NBL1: variants seen among roughly 807,000 people sequenced by gnomAD.
NBL1 encodes neuroblastoma suppressor of tumorigenicity 1.
In NBL1, 9 loss-of-function variants were observed where a neutral mutation model predicts 16.0. That is an observed-to-expected ratio of 0.56 (90% CI 0.34 to 0.98). NBL1 has a LOEUF of 0.98. Ranked by LOEUF, NBL1 falls within the 50% of genes least tolerant of loss-of-function variation. NBL1 has a pLI of 0.02. For missense variants in NBL1, 196 were observed against 243.1 expected (o/e 0.81, Z 1.29); for synonymous variants, 86 against 100.7 (o/e 0.85, Z 0.87).
Position 19,644,425 on chromosome 1 carries a change from G to T in NBL1, c.-41G>T. 1.0e-6 allele frequency: 1 copy of T among 979,028 alleles called. No homozygotes were observed. Among genetic ancestry groups the T allele is most frequent in the Non-Finnish European group, 1.2e-6 (1 of 827,458 alleles). 60.6% of individuals were successfully genotyped at this position (979,028 alleles called of 1,614,324 possible). A position where few individuals can be genotyped will look rare whatever the true frequency, so the allele number is the denominator to read the frequency against. On this transcript the variant is annotated 5_prime_UTR_variant, in exon 1 of 4. Transcript: ENST00000375136. This position sits in a 1 kb window ranked among gnomAD's most constrained non-coding sequence, Gnocchi z 4.6. The stretch of plus-strand genomic sequence containing the variant: ...GCCCGCGACCCCCGCACCCAGCTCC[G>T]CAGGACCGGCGGGCGCGCGCGGTAA...
chr1:19,646,616 C>T (rs181986223), intron 1 of NBL1, among the ~76,000 whole-genome samples: 180 of 152,304 alleles, frequency 1.2e-3, no homozygotes, highest in African/African-American at 4.1e-3. Flanking sequence ...CCGCCCTTGC[C>T]AAGCCCCAAG....
intron 1 of NBL1, among the ~76,000 whole-genome samples, chr1:19,650,886 G>C (rs760178142): frequency 6.6e-6 from 1 of 152,222 alleles, no homozygotes; most frequent in Non-Finnish European, 1.5e-5. Context: ...CTGGGCAGGA[G>C]GGTGGGCGGA....
upstream of NBL1, chr1:19,643,881 G>T: frequency 1.1e-5 from 11 of 989,474 alleles, no homozygotes; most frequent in Non-Finnish European, 1.3e-5. The surrounding 1 kb of genome is among the most constrained non-coding windows in gnomAD (Gnocchi z 4.7). Flanking sequence ...AGTCTGCAAT[G>T]CCCGGTGCCC....
intron 1 of NBL1, among the ~76,000 whole-genome samples, chr1:19,651,258 C>T (rs966284026): frequency 6.6e-6 from 1 of 152,190 alleles, no homozygotes; most frequent in Non-Finnish European, 1.5e-5. Context: ...TGGAGCTCCA[C>T]GCTGCTGGCC....
At chr1:19,653,281 G>T (rs1345953474) in intron 1 of NBL1, among the ~76,000 whole-genome samples, 1 of 87,114 alleles carries the variant, frequency 1.1e-5, no homozygotes, top group Non-Finnish European at 2.2e-5. Flanking sequence ...GCGAGACTCC[G>T]TCTCAAAAAA....
upstream of NBL1, chr1:19,644,113 G>A (rs867414927): frequency 1.4e-4 from 133 of 975,412 alleles, no homozygotes; most frequent in African/African-American, 2.1e-3. This position sits in a 1 kb window ranked among gnomAD's most constrained non-coding sequence, Gnocchi z 4.6. Flanking sequence ...CTCAGCCCGG[G>A]GCGGGCGGGC....
intron 1 of NBL1, among the ~76,000 whole-genome samples, chr1:19,651,121 T>A (rs1337121621): frequency 6.6e-6 from 1 of 152,156 alleles, no homozygotes; most frequent in Non-Finnish European, 1.5e-5. Context: ...CATGTTAGGG[T>A]TGAGAAAGGC....
intron 1 of NBL1, among the ~76,000 whole-genome samples, chr1:19,646,771 A>G (rs2094983049): frequency 6.6e-6 from 1 of 152,172 alleles, no homozygotes; most frequent in Non-Finnish European, 1.5e-5. Context: ...TCTGAGTGGG[A>G]TCTTCCTCTC....
chr1:19,652,966 C>T lies in NBL1; in HGVS notation c.-19-2046C>T, dbSNP rs553679569. Among the ~76,000 whole-genome samples, 10 of 150,308 alleles carry T rather than the reference C, an allele frequency of 6.7e-5. No homozygotes were observed. The South Asian group carries it at 1.9e-3, about 28-fold the overall frequency. On this transcript the variant is annotated intron_variant, in intron 1 of 3. Coordinates refer to ENST00000375136, the MANE Select transcript of NBL1 (RefSeq NM_005380.8). The stretch of plus-strand genomic sequence containing the variant: ...TCATGCCATGACACTCCAGCCTGGG[C>T]GACAGAGTGAGACTCTGTCTCAAAA...
At chr1:19,647,426 A>G (rs2854108) in intron 1 of NBL1, among the ~76,000 whole-genome samples, 30,698 of 152,110 alleles carry the variant, frequency 0.2, 4,149 homozygotes, top group East Asian at 0.53. Flanking sequence ...ATCCTGTTAC[A>G]AATAAAAACA....
chr1:19,644,144 C>T, upstream of NBL1: 2 of 980,166 alleles, frequency 2.0e-6, no homozygotes, highest in Non-Finnish European at 2.4e-6. The surrounding 1 kb of genome is among the most constrained non-coding windows in gnomAD (Gnocchi z 4.6). Flanking sequence ...CCCGGGGCCC[C>T]TGCCGCCGCG....
intron 1 of NBL1, chr1:19,645,699 A>G (rs1300116887): frequency 2.4e-6 from 3 of 1,262,210 alleles, no homozygotes; most frequent in East Asian, 3.8e-5. Flanking sequence ...GCGAGGCTGC[A>G]GCGTTTCCTC....
At chr1:19,654,071 G>A (rs934704370) in intron 1 of NBL1, among the ~76,000 whole-genome samples, 1 of 152,192 alleles carries the variant, frequency 6.6e-6, no homozygotes, top group African/African-American at 2.4e-5. Flanking sequence ...GTCTGGTTCA[G>A]GGTCAGTTTT....
In NBL1 at chr1:19,654,988, C is replaced by T. The variant is rs367936061; in HGVS notation, c.-19-24C>T. ...GCCCCCTGCACCTTGCTGTGCCTCA[C>T]CTGGCACCTGTGCTCCGTTCTAGGG... On this transcript the variant is annotated intron_variant, in intron 1 of 3. Coordinates refer to ENST00000375136, the MANE Select transcript of NBL1 (RefSeq NM_005380.8). The T allele has an allele frequency of 3.8e-5, 59 of 1,543,924 alleles. No homozygotes were observed. The African/African-American group carries it at 7.5e-4, about 20-fold the overall frequency.
rs942500146 is a variant in NBL1 at position 19,644,690 on chromosome 1, G to A, written c.-20+244G>A. Among the ~76,000 whole-genome samples the A allele has an allele frequency of 4.6e-5, 7 of 151,830 alleles. No individual in the cohort carries two copies. Among genetic ancestry groups the A allele is most frequent in the Non-Finnish European group, 1.0e-4 (7 of 67,896 alleles). On this transcript the variant is annotated intron_variant, in intron 1 of 3. Coordinates refer to ENST00000375136, the MANE Select transcript of NBL1 (RefSeq NM_005380.8). The surrounding 1 kb of genome is among the most constrained non-coding windows in gnomAD (Gnocchi z 4.6). Reference sequence around the variant, plus strand: ...GGGGGCACCGCCGCGTCCGGAGCCCGTCCCCAGACTCGCCCCAGGGTTCCG... The same window carrying A: ...GGGGGCACCGCCGCGTCCGGAGCCCATCCCCAGACTCGCCCCAGGGTTCCG...
chr1:19,651,311 G>T (rs2095024274), intron 1 of NBL1, among the ~76,000 whole-genome samples: 1 of 152,182 alleles, frequency 6.6e-6, no homozygotes. Flanking sequence ...AGCCTGCTAG[G>T]GCCTGGTGGG....
intron 3 of NBL1, among the ~76,000 whole-genome samples, chr1:19,656,551 C>T (rs1447849067): frequency 6.6e-6 from 1 of 150,396 alleles, no homozygotes; most frequent in Non-Finnish European, 1.5e-5. Flanking sequence ...CCTGGGTGGC[C>T]TTAGTGAGGG....
In NBL1 at chr1:19,655,055, G is replaced by T. The variant is rs1199325679; in HGVS notation, c.25G>T (p.Ala9Ser). ...CATGATGCTTCGGGTCCTGGTGGGG[G>T]CTGTCCTCCCTGCCATGCTACTGGC... MMLRVLVG[A>S]VLPAMLLAAP... Residue 9 changes from alanine (A) to serine (S), a missense_variant, in exon 2 of 4, where the codon GCT (alanine) becomes TCT (serine). Physicochemically the swap from Ala to Ser is moderately conservative, Grantham distance 99. Transcript: ENST00000375136. The T allele has an allele frequency of 1.2e-6, 2 of 1,611,392 alleles. No homozygotes were observed. The highest frequency in any genetic ancestry group is 4.5e-5 in the East Asian group (2 of 44,882).
intron 1 of NBL1, among the ~76,000 whole-genome samples, chr1:19,646,945 C>T (rs1019402413): frequency 3.3e-5 from 5 of 152,160 alleles, no homozygotes; most frequent in South Asian, 2.1e-4. Context: ...CAGGACCTGC[C>T]GAGGATCCTG....
Sources: gnomAD v4.1 joint callset for allele counts (sites outside exome capture counted in the v4.1 genomes callset) on GRCh38, gnomAD v4.1.1 for gene constraint, Gnocchi (gnomAD v3.1) non-coding constraint, MANE v1.5 for transcripts, NCBI Gene and HGNC (gene_info 2026-07-23, HGNC 2026-07-21) for gene names.